NUCB2: variants seen among roughly 807,000 people sequenced by gnomAD.
NUCB2 encodes nucleobindin 2, also known as nucleobindin-2.
NUCB2 carries 48 observed loss-of-function variants against 57.9 expected under a neutral mutation model. The observed-to-expected ratio is 0.83, with a 90% CI of 0.66 to 1.05. The LOEUF (loss-of-function observed/expected upper bound fraction) is 1.05. Among genes scored for constraint, NUCB2 ranks in the 50% least tolerant of loss-of-function variants. The pLI is 0.00. For missense variants in NUCB2, 442 were observed against 476.2 expected (o/e 0.93, Z 0.67); for synonymous variants, 139 against 152.1 (o/e 0.91, Z 0.64).
intron 5 of NUCB2, among the ~76,000 whole-genome samples, chr11:17,303,034 G>A (rs1017296916): frequency 4.6e-5 from 7 of 151,918 alleles, no homozygotes; most frequent in East Asian, 3.9e-4. Flanking sequence ...CACCGCACCC[G>A]GCCTAGTTGT....
intron 2 of NUCB2, among the ~76,000 whole-genome samples, chr11:17,289,293 C>T (rs1177484187): frequency 6.6e-6 from 1 of 152,070 alleles, no homozygotes; most frequent in African/African-American, 2.4e-5. Flanking sequence ...TTCTTCCAAG[C>T]ACCCTATATT....
intron 2 of NUCB2, among the ~76,000 whole-genome samples, chr11:17,290,647 T>A (rs535020244): frequency 2.2e-4 from 33 of 152,204 alleles, no homozygotes; most frequent in Non-Finnish European, 4.4e-4. Flanking sequence ...TTTATATATA[T>A]ATACCTAATA....
chr11:17,280,473 T>G (rs1368947159), intron 1 of NUCB2, among the ~76,000 whole-genome samples: 2 of 152,180 alleles, frequency 1.3e-5, no homozygotes, highest in Non-Finnish European at 2.9e-5. Flanking sequence ...CCTTTGAAAC[T>G]GGTGCCATGG....
chr11:17,335,008 ATACT>A (rs1951691806), downstream of NUCB2, among the ~76,000 whole-genome samples: 1 of 152,204 alleles, frequency 6.6e-6, no homozygotes, highest in Admixed American at 6.5e-5. Context: ...TCCTCCAAAC[ATACT>A]TAAATAATGG....
intron 11 of NUCB2, among the ~76,000 whole-genome samples, chr11:17,321,202 A>AT (rs138165152): frequency 0.29 from 41,726 of 143,876 alleles, 6,342 homozygotes; most frequent in East Asian, 0.53. Flanking sequence ...TATTCATTCT[A>AT]TTTTTTTTTT....
intron 1 of NUCB2, among the ~76,000 whole-genome samples, chr11:17,280,294 C>T (rs1185227697): frequency 6.6e-6 from 1 of 152,142 alleles, no homozygotes; most frequent in Non-Finnish European, 1.5e-5. Context: ...GTGTCCTTTT[C>T]TACAGATGTA....
intron 2 of NUCB2, among the ~76,000 whole-genome samples, chr11:17,287,078 AGAAAG>A (rs1484539914): frequency 1.3e-5 from 2 of 152,210 alleles, no homozygotes; most frequent in Non-Finnish European, 2.9e-5. Context: ...TTAAAAGGCA[AGAAAG>A]GAGAGGAAAT....
rs1313216775 is a variant in NUCB2 at position 17,310,808 on chromosome 11, G to T, written c.484-17G>T. 3 of 1,551,972 alleles carry T rather than the reference G, an allele frequency of 1.9e-6. No individual in the cohort carries two copies. Among genetic ancestry groups the T allele is most frequent in the Non-Finnish European group, 2.6e-6 (3 of 1,152,004 alleles). On this transcript the variant is annotated splice_polypyrimidine_tract_variant and intron_variant, in intron 6 of 13. Coordinates refer to ENST00000529010, the MANE Select transcript of NUCB2 (RefSeq NM_005013.4). ...GTGAATGTTTTTATTTAACTTAAAT[G>T]CATTATTGCATTTCAGGCAACAAGT...
At chr11:17,348,352 G>T (rs1476430918) in intron 2 of NUCB2, among the ~76,000 whole-genome samples, 8 of 56,274 alleles carry the variant, frequency 1.4e-4, no homozygotes, top group South Asian at 6.0e-4. Flanking sequence ...TTTTTTTTTT[G>T]GAGACAGAGT....
chr11:17,321,725 C>T (rs967868007), intron 11 of NUCB2, among the ~76,000 whole-genome samples: 3 of 151,998 alleles, frequency 2.0e-5, no homozygotes, highest in Non-Finnish European at 4.4e-5. Context: ...CAACAGTGTA[C>T]GAGGGTTCTT....
intron 4 of NUCB2, among the ~76,000 whole-genome samples, chr11:17,300,265 G>A (rs1019982329): frequency 1.1e-4 from 17 of 152,100 alleles, no homozygotes; most frequent in African/African-American, 3.9e-4. Flanking sequence ...ATCCACCTTA[G>A]CCTCCCAAAG....
At position 17,291,036 on chromosome 11, in the gene NUCB2, A is replaced by G. The variant is rs1456055144; in HGVS notation, c.1-4288A>G. On this transcript the variant is annotated intron_variant, in intron 2 of 13. Coordinates refer to ENST00000529010, the MANE Select transcript of NUCB2 (RefSeq NM_005013.4). ...ATTTTAGAATATTTTCATCACCCCC[A>G]AAAGGAACCCTGTACCCATTTAGCA... 2.6e-5 allele frequency among the ~76,000 whole-genome samples: 4 copies of G among 152,182 alleles called. No homozygotes were observed. In the East Asian group the frequency reaches 7.7e-4, roughly 29 times the overall value.
At position 17,330,279 on chromosome 11, in the gene NUCB2, G is replaced by T; in HGVS notation, c.1155G>T (p.Gln385His). 1 of 1,601,456 alleles carries T rather than the reference G, an allele frequency of 6.2e-7. No homozygotes were observed. Among genetic ancestry groups the T allele is most frequent in the Non-Finnish European group, 8.5e-7 (1 of 1,176,894 alleles). The change falls in exon 12 of 14, where the codon CAG becomes CAT. Residue 385 changes from glutamine (Q) to histidine (H), a missense_variant. Transcript: ENST00000529010. This position sits in a 1 kb window ranked among gnomAD's most constrained non-coding sequence, Gnocchi z 4.3. ...GTCAGCATGATCAACTGGAGGCTCA[G>T]AAGCTGGAATATCATCAGGTGGCAT... ...LQRQHDQLEA[Q>H]KLEYHQVIQQ...
At position 17,278,006 on chromosome 11, in the gene NUCB2, A is replaced by G. The variant is rs117253561; in HGVS notation, c.-156+1178A>G. On this transcript the variant is annotated intron_variant, in intron 1 of 13. Coordinates refer to ENST00000529010, the MANE Select transcript of NUCB2 (RefSeq NM_005013.4). Reference sequence around the variant, plus strand: ...AATTAGGATGAACATGGAAACTTCTATTTCTCATCGTGGTCTTCAAGCTTT... The same window carrying G: ...AATTAGGATGAACATGGAAACTTCTGTTTCTCATCGTGGTCTTCAAGCTTT... Among the ~76,000 whole-genome samples the G allele has an allele frequency of 2.2e-4, 33 of 152,112 alleles. No homozygotes were observed. In the East Asian group the frequency reaches 6.2e-3, roughly 28 times the overall value.
At chr11:17,281,126 T>A (rs1319786203) in intron 1 of NUCB2, among the ~76,000 whole-genome samples, 1 of 152,142 alleles carries the variant, frequency 6.6e-6, no homozygotes, top group Non-Finnish European at 1.5e-5. Flanking sequence ...AATTTTTATT[T>A]ATTTATTTTA....
chr11:17,309,709 G>C, intron 6 of NUCB2, 34 bp downstream of exon 6: 1 of 1,337,746 alleles, frequency 7.5e-7, no homozygotes, highest in Non-Finnish European at 1.0e-6. Flanking sequence ...TGTCTTTATT[G>C]TGCCTTTGAG....
At chr11:17,315,332 A>T (rs566321045) in intron 10 of NUCB2, 54 bp from the exon 11 acceptor site, 2 of 1,005,130 alleles carry the variant, frequency 2.0e-6, no homozygotes, top group South Asian at 3.5e-5. Flanking sequence ...GATAGTGTCT[A>T]AATAATATGA....
intron 1 of NUCB2, among the ~76,000 whole-genome samples, chr11:17,278,133 G>GT (rs1941723009): frequency 7.6e-6 from 1 of 132,264 alleles, no homozygotes; most frequent in African/African-American, 2.8e-5. Context: ...GTCTCCGTGT[G>GT]TTTACTCATG....
chr11:17,343,979 G>T (rs1293343577), intron 2 of NUCB2, among the ~76,000 whole-genome samples: 1 of 152,164 alleles, frequency 6.6e-6, no homozygotes, highest in African/African-American at 2.4e-5. Context: ...AAAAGAAAAA[G>T]CACCTTTGCA....
Sources: gnomAD v4.1 joint callset for allele counts (sites outside exome capture counted in the v4.1 genomes callset) on GRCh38, gnomAD v4.1.1 for gene constraint, Gnocchi (gnomAD v3.1) non-coding constraint, MANE v1.5 for transcripts, NCBI Gene and HGNC (gene_info 2026-07-23, HGNC 2026-07-21) for gene names.